Variants in CAST observed in about 807,000 individuals in gnomAD.
The protein encoded by CAST is MIR583 host.
CAST carries 76 observed loss-of-function variants against 119.6 expected under a neutral mutation model. That is an observed-to-expected ratio of 0.64 (90% CI 0.53 to 0.77). The LOEUF (loss-of-function observed/expected upper bound fraction) is 0.77, where lower values mean the gene tolerates loss of function less well. Among genes scored for constraint, CAST ranks in the 30% least tolerant of loss-of-function variants. The pLI is 0.00. For synonymous variants in CAST, 319 were observed against 331.6 expected, an observed-to-expected ratio of 0.96 and a Z score of 0.41; for missense variants, 953 against 946.5, an observed-to-expected ratio of 1.01 and a Z score of -0.09.
chr5:96,262,227 T>C, the CAST span, among the ~76,000 whole-genome samples: 75 of 152,250 alleles, frequency 4.9e-4, no homozygotes, highest in Middle Eastern at 3.4e-3. Context: ...AAAGAGAACG[T>C]GTGGTGGCCC....
At chr5:96,256,877 G>A in the CAST span, among the ~76,000 whole-genome samples, 1 of 152,122 alleles carries the variant, frequency 6.6e-6, no homozygotes, top group Non-Finnish European at 1.5e-5. Context: ...AGCACAGGGA[G>A]GGGCACCAGG....
chr5:96,500,909 A>G, the CAST span, among the ~76,000 whole-genome samples: 1 of 152,252 alleles, frequency 6.6e-6, no homozygotes, highest in Non-Finnish European at 1.5e-5. Flanking sequence ...CATGTTGACT[A>G]CAAAAGTCAG....
chr5:96,074,509 T>C, the CAST span, among the ~76,000 whole-genome samples: 1 of 152,220 alleles, frequency 6.6e-6, no homozygotes, highest in African/African-American at 2.4e-5. Flanking sequence ...CCAATTATGC[T>C]TGTACCCTTA....
the CAST span, among the ~76,000 whole-genome samples, chr5:96,388,359 T>C: frequency 6.6e-6 from 1 of 152,234 alleles, no homozygotes; most frequent in Admixed American, 6.5e-5. Context: ...TTCCAGAATG[T>C]GGTTTTGATT....
the CAST span, among the ~76,000 whole-genome samples, chr5:96,021,577 C>T: frequency 1.6e-4 from 25 of 152,064 alleles, no homozygotes; most frequent in Admixed American, 4.6e-4. Context: ...TCCCAAGTAG[C>T]TGGGACTACA....
the CAST span, among the ~76,000 whole-genome samples, chr5:96,008,118 G>A: frequency 1.3e-5 from 2 of 152,118 alleles, no homozygotes; most frequent in Non-Finnish European, 2.9e-5. Flanking sequence ...AGAAATAAAT[G>A]CCTGTTGTTT....
chr5:96,242,381 T>G, the CAST span, among the ~76,000 whole-genome samples: 2 of 152,150 alleles, frequency 1.3e-5, no homozygotes, highest in African/African-American at 4.8e-5. Context: ...TCTTCCCACC[T>G]CAGCCTCCCA....
intron 9 of CAST, among the ~76,000 whole-genome samples, chr5:96,731,630 C>T (rs1760533233): frequency 1.3e-5 from 2 of 151,190 alleles, no homozygotes; most frequent in Non-Finnish European, 2.9e-5. Context: ...TTAGGTATAT[C>T]TCCCAATGCT....
the CAST span, among the ~76,000 whole-genome samples, chr5:96,334,800 C>T: frequency 1.3e-5 from 2 of 152,152 alleles, no homozygotes; most frequent in African/African-American, 4.8e-5. Context: ...AGATCAGGAG[C>T]GCACAATACA....
the CAST span, among the ~76,000 whole-genome samples, chr5:96,225,760 G>A: frequency 6.6e-6 from 1 of 152,162 alleles, no homozygotes; most frequent in African/African-American, 2.4e-5. Context: ...CTCAAAGATA[G>A]ACACATAATT....
intron 1 of CAST, among the ~76,000 whole-genome samples, chr5:96,561,560 T>C (rs533883937): frequency 1.3e-5 from 2 of 151,000 alleles, no homozygotes; most frequent in African/African-American, 2.4e-5. Context: ...CCGGGGCCTG[T>C]TGGGGGTGGG....
At chr5:96,008,162 A>C in the CAST span, among the ~76,000 whole-genome samples, 4 of 152,204 alleles carry the variant, frequency 2.6e-5, no homozygotes, top group African/African-American at 9.6e-5. Context: ...TGTTATAGCA[A>C]CCTGAGCTAA....
At chr5:96,456,925 C>T in the CAST span, among the ~76,000 whole-genome samples, 1 of 152,204 alleles carries the variant, frequency 6.6e-6, no homozygotes, top group South Asian at 2.1e-4. Context: ...ATTTCTCCTT[C>T]CTACCATTGT....
At chr5:96,043,279 T>C in the CAST span, among the ~76,000 whole-genome samples, 1 of 152,146 alleles carries the variant, frequency 6.6e-6, no homozygotes, top group East Asian at 1.9e-4. Context: ...AAGACGTCCA[T>C]TTGTTCGATG....
At chr5:96,428,007 G>A in the CAST span, among the ~76,000 whole-genome samples, 1 of 152,178 alleles carries the variant, frequency 6.6e-6, no homozygotes, top group East Asian at 1.9e-4. Context: ...GCTAGCAGTG[G>A]GTGTAGATGA....
chr5:96,621,709 G>T (rs1030605860), intron 1 of CAST, among the ~76,000 whole-genome samples: 1 of 152,180 alleles, frequency 6.6e-6, no homozygotes, highest in Non-Finnish European at 1.5e-5. Context: ...TTTGGGTGGG[G>T]ACACAGAGCC....
the CAST span, among the ~76,000 whole-genome samples, chr5:96,029,244 G>A: frequency 6.6e-6 from 1 of 152,116 alleles, no homozygotes; most frequent in Non-Finnish European, 1.5e-5. Context: ...TTTTCAAATA[G>A]TGAATTGTGG....
the CAST span, among the ~76,000 whole-genome samples, chr5:96,012,377 C>T: frequency 3.3e-5 from 5 of 152,048 alleles, no homozygotes; most frequent in Admixed American, 1.3e-4. Flanking sequence ...GGGGTTACAG[C>T]TCTTTTTTAG....
the CAST span, among the ~76,000 whole-genome samples, chr5:96,079,582 A>G: frequency 2.0e-5 from 3 of 152,224 alleles, no homozygotes; most frequent in Non-Finnish European, 4.4e-5. Flanking sequence ...AAGATATACA[A>G]TGAAAAATGA....
Sources: gnomAD v4.1 joint callset for allele counts (sites outside exome capture counted in the v4.1 genomes callset) on GRCh38, gnomAD v4.1.1 for gene constraint, MANE v1.5 for transcripts, NCBI Gene and HGNC (gene_info 2026-07-23, HGNC 2026-07-21) for gene names.